Variants in GAPVD1 observed in about 807,000 individuals in gnomAD.
GAPVD1 encodes the protein GTPase activating protein and VPS9 domains 1, also known as GTPase-activating protein and VPS9 domain-containing protein 1.
GAPVD1 carries 35 observed loss-of-function variants against 155.5 expected under a neutral mutation model. The ratio of observed to expected loss-of-function variants is 0.23; its 90% CI spans 0.17 to 0.30. GAPVD1 has a LOEUF of 0.30. Among genes scored for constraint, GAPVD1 ranks in the 10% least tolerant of loss-of-function variants. The pLI, the probability that GAPVD1 is intolerant of heterozygous loss-of-function variation, is 1.00. For missense variants in GAPVD1, 1,429 were observed against 1,775.7 expected, an observed-to-expected ratio of 0.80 and a Z score of 3.51; for synonymous variants, 636 against 619.7, an observed-to-expected ratio of 1.03 and a Z score of -0.39.
At chr9:125,315,258 CT>C (rs1843255000) in intron 9 of GAPVD1, among the ~76,000 whole-genome samples, 1 of 152,132 alleles carries the variant, frequency 6.6e-6, no homozygotes, top group Admixed American at 6.5e-5. Context: ...AAACTCCATC[CT>C]CCACACACAC....
At chr9:125,328,750 G>A (rs1171530531) in intron 12 of GAPVD1, among the ~76,000 whole-genome samples, 3 of 151,756 alleles carry the variant, frequency 2.0e-5, no homozygotes, top group Admixed American at 2.0e-4. Flanking sequence ...CCGGGCAGAG[G>A]GGCTCCTCAC....
chr9:125,288,699 G>A (rs1332000216), intron 2 of GAPVD1, among the ~76,000 whole-genome samples: 1 of 152,130 alleles, frequency 6.6e-6, no homozygotes, highest in African/African-American at 2.4e-5. Context: ...CATTTAGCAA[G>A]TACATACTGA....
At chr9:125,275,443 A>T (rs16928020) in intron 2 of GAPVD1, among the ~76,000 whole-genome samples, 5,594 of 152,238 alleles carry the variant, frequency 0.037, 143 homozygotes, top group Non-Finnish European at 0.058. Flanking sequence ...TATTTAACTT[A>T]ATGCCTTTCA....
chr9:125,298,643 C>T (rs535171936), intron 3 of GAPVD1, among the ~76,000 whole-genome samples: 1 of 151,894 alleles, frequency 6.6e-6, no homozygotes, highest in African/African-American at 2.4e-5. Context: ...CGCGCCCCAC[C>T]GCACCTGGCT....
chr9:125,303,147 C>T (rs2130913878), intron 5 of GAPVD1, among the ~76,000 whole-genome samples: 1 of 152,170 alleles, frequency 6.6e-6, no homozygotes, highest in South Asian at 2.1e-4. Flanking sequence ...GCTTCAGCCT[C>T]CTGAGTAGCT....
chr9:125,310,562 G>A (rs1170976009), intron 8 of GAPVD1, among the ~76,000 whole-genome samples: 4 of 142,980 alleles, frequency 2.8e-5, no homozygotes, highest in East Asian at 2.0e-4. Flanking sequence ...TTTTTGAGGC[G>A]GAGTCTAGCT....
chr9:125,313,981 A>G (rs549520328), intron 9 of GAPVD1, among the ~76,000 whole-genome samples: 2 of 152,200 alleles, frequency 1.3e-5, no homozygotes, highest in Non-Finnish European at 2.9e-5. Flanking sequence ...CCCTGTGAAC[A>G]GTTGTGAGGC....
chr9:125,305,153 A>C lies in GAPVD1; in HGVS notation c.1116+4A>C. ...CAGCCTTGGAAAGTTTGACAAAGTA[A>C]GAATAAATATGATTTATAGAAAATT... On this transcript the variant is annotated splice_donor_region_variant and intron_variant, in intron 6 of 27. Transcript: ENST00000297933. 1 of 1,587,652 alleles carries C rather than the reference A, an allele frequency of 6.3e-7. No individual in the cohort carries two copies. Among genetic ancestry groups the C allele is most frequent in the South Asian group, 1.1e-5 (1 of 90,584 alleles).
rs1171483304 is a variant in GAPVD1, at chr9:125,271,544, C to T, written c.-150+2560C>T. On this transcript the variant is annotated intron_variant, in intron 2 of 27. Transcript: ENST00000297933. Reference sequence around the variant, plus strand: ...CTTATATTTTTCGGACTTAGATTAACTTATTTTTTTATTTTTTATTTTTTG... The same window carrying T: ...CTTATATTTTTCGGACTTAGATTAATTTATTTTTTTATTTTTTATTTTTTG... 7.2e-5 allele frequency among the ~76,000 whole-genome samples: 11 copies of T among 151,902 alleles called. No individual in the cohort carries two copies. In the South Asian group the frequency reaches 2.3e-3, roughly 32 times the overall value.
At position 125,319,207 on chromosome 9, in the gene GAPVD1, G is replaced by T. The variant is rs1021391273; in HGVS notation, c.1603-2226G>T. Among the ~76,000 whole-genome samples the T allele has an allele frequency of 2.0e-3, 19 of 9,310 alleles. No homozygotes were observed. In the African/African-American group the frequency reaches 0.024, roughly 12 times the overall value. The allele number at this position is 9,310 out of a possible 152,430, so 6.1% of individuals were successfully genotyped here. A position where few individuals can be genotyped will look rare whatever the true frequency, so the allele number is the denominator to read the frequency against. On this transcript the variant is annotated intron_variant, in intron 9 of 27. Transcript: ENST00000297933. Reference sequence around the variant, plus strand: ...ATAATAATAATAATAATAATACGAAGAACTAAAATGAAAAAAATTAGCTGG... The same window carrying T: ...ATAATAATAATAATAATAATACGAATAACTAAAATGAAAAAAATTAGCTGG...
chr9:125,282,154 C>T (rs1055229939), intron 2 of GAPVD1, among the ~76,000 whole-genome samples: 1 of 152,144 alleles, frequency 6.6e-6, no homozygotes, highest in African/African-American at 2.4e-5. Context: ...TGGCGTATGC[C>T]TGTAGTCCCA....
At chr9:125,279,739 A>G (rs796574331) in intron 2 of GAPVD1, among the ~76,000 whole-genome samples, 55 of 151,308 alleles carry the variant, frequency 3.6e-4, no homozygotes, top group African/African-American at 1.3e-3. Context: ...TGTGCTTACT[A>G]TTTGAACTAT....
Position 125,312,473 on chromosome 9 carries a change from C to G in GAPVD1, c.1463C>G (p.Thr488Ser). Reference protein sequence around the residue: ...LPIATRSRSRTNMLMDLHMDH... With the variant: ...LPIATRSRSRSNMLMDLHMDH... ...TTAGCAACTCGGAGCAGAAGCCGCA[C>G]CAATATGCTAATGGACCTACATATG... The change falls in exon 9 of 28, where the codon ACC becomes AGC. Residue 488 changes from threonine (T) to serine (S), a missense_variant. Coordinates refer to ENST00000297933, the MANE Select transcript of GAPVD1 (RefSeq NM_001282680.3). 6.3e-7 allele frequency: 1 copy of G among 1,591,236 alleles called. No individual in the cohort carries two copies. Among genetic ancestry groups the G allele is most frequent in the Non-Finnish European group, 8.5e-7 (1 of 1,172,482 alleles).
At chr9:125,336,308 A>G (rs1589024193) in intron 15 of GAPVD1, among the ~76,000 whole-genome samples, 1 of 151,582 alleles carries the variant, frequency 6.6e-6, no homozygotes. Context: ...AAAAAAAACA[A>G]AAAACAAAAA....
In GAPVD1 at chr9:125,325,227, A is replaced by G. The variant is rs372987944; in HGVS notation, c.1859-1189A>G. On this transcript the variant is annotated intron_variant, in intron 11 of 27. Coordinates refer to ENST00000297933, the MANE Select transcript of GAPVD1 (RefSeq NM_001282680.3). ...GCGACAGAGTGAGACTCTGATTGAA[A>G]AAAAAAAAGATGGGCCGGGTGCGGT... is the stretch of plus-strand genomic sequence containing the variant. Among the ~76,000 whole-genome samples the G allele has an allele frequency of 1.7e-3, 255 of 150,992 alleles. 1 individual carries two copies. The highest frequency in any genetic ancestry group is 5.8e-3 in the African/African-American group (239 of 41,118).
Position 125,362,706 on chromosome 9 carries a change from C to T in GAPVD1, c.4343C>T (p.Ala1448Val). 6.2e-7 allele frequency: 1 copy of T among 1,613,862 alleles called. No homozygotes were observed. Residue 1448 changes from alanine (A) to valine (V), a missense_variant, in exon 28 of 28, where the codon GCA (alanine) becomes GTA (valine). Ala to Val is a moderately conservative substitution (Grantham distance 64, BLOSUM62 0). This residue lies in a region of GAPVD1 where 102 missense variants were observed against 196.5 expected (regional missense o/e 0.52). Coordinates refer to ENST00000297933, the MANE Select transcript of GAPVD1 (RefSeq NM_001282680.3). The stretch of plus-strand genomic sequence containing the variant: ...TCCTATTGGTGGATGCAGTTCACAG[C>T]AGCAGTAGAATTCATTAAAACCATC... ...EESYWWMQFT[A>V]AVEFIKTIDD...
chr9:125,324,287 T>C (rs140687705), intron 11 of GAPVD1, among the ~76,000 whole-genome samples: 184 of 152,162 alleles, frequency 1.2e-3, no homozygotes, highest in African/African-American at 4.1e-3. Context: ...GAGATACATA[T>C]GGTTGAAAGT....
chr9:125,266,274 G>A (rs931924341), intron 1 of GAPVD1, among the ~76,000 whole-genome samples: 4 of 150,788 alleles, frequency 2.7e-5, no homozygotes, highest in Non-Finnish European at 5.9e-5. Context: ...TTATAGGCAT[G>A]CACCACTATG....
At chr9:125,318,177 G>T (rs530114233) in intron 9 of GAPVD1, among the ~76,000 whole-genome samples, 87 of 152,268 alleles carry the variant, frequency 5.7e-4, no homozygotes, top group African/African-American at 2.1e-3. Flanking sequence ...TAGAGACAGG[G>T]TTTCACTTTA....
Sources: gnomAD v4.1 joint callset for allele counts (sites outside exome capture counted in the v4.1 genomes callset) on GRCh38, gnomAD v4.1.1 for gene constraint, gnomAD v4.1.1 regional missense constraint, MANE v1.5 for transcripts, NCBI Gene and HGNC (gene_info 2026-07-23, HGNC 2026-07-21) for gene names.